Variants in CHST15 observed in about 807,000 individuals in gnomAD.
CHST15 encodes the protein carbohydrate sulfotransferase 15.
Under a neutral mutation model 53.6 loss-of-function variants are expected in CHST15, and 30 were observed. That is an observed-to-expected ratio of 0.56 (90% confidence interval 0.42 to 0.76). The LOEUF (loss-of-function observed/expected upper bound fraction) is 0.76. Among genes scored for constraint, CHST15 ranks in the 30% least tolerant of loss-of-function variants. The pLI is 0.00. For synonymous variants in CHST15, 296 were observed against 289.8 expected, an observed-to-expected ratio of 1.02 and a Z score of -0.22; for missense variants, 627 against 740.5, an observed-to-expected ratio of 0.85 and a Z score of 1.78.
chr10:124,019,895 A>T lies in CHST15; in HGVS notation c.1347+1361T>A, dbSNP rs903333901. The T allele has an allele frequency of 6.1e-6, 6 of 985,746 alleles. No homozygotes were observed. The highest frequency in any genetic ancestry group is 7.2e-6 in the Non-Finnish European group (6 of 830,380). 61.1% of individuals were successfully genotyped at this position (985,746 alleles called of 1,614,324 possible). On this transcript the variant is annotated intron_variant, in intron 6 of 7. Transcript: ENST00000435907. The surrounding 1 kb of genome is among the most constrained non-coding windows in gnomAD (Gnocchi z 4.6). ...CACCAGGCGGCTGGCTGCGTTCTGT[A>T]TGGTAGGTGGTGCTGACCACTGGGC...
intron 1 of CHST15, among the ~76,000 whole-genome samples, chr10:124,082,173 T>C (rs1350928526): frequency 6.6e-6 from 1 of 152,100 alleles, no homozygotes; most frequent in South Asian, 2.1e-4. Flanking sequence ...CATAATCACA[T>C]AAAAGAGGGC....
intron 6 of CHST15, among the ~76,000 whole-genome samples, chr10:124,017,116 T>C (rs1946613110): frequency 6.6e-6 from 1 of 152,120 alleles, no homozygotes; most frequent in Non-Finnish European, 1.5e-5. Context: ...TATTAGATAT[T>C]AGCTCTTCTG....
chr10:124,010,172 C>T lies in CHST15; in HGVS notation c.1663G>A (p.Ala555Thr). 2 of 1,613,282 alleles carry T rather than the reference C, an allele frequency of 1.2e-6. No individual in the cohort carries two copies. Among genetic ancestry groups the T allele is most frequent in the Non-Finnish European group, 1.7e-6 (2 of 1,180,044 alleles). The stretch of plus-strand genomic sequence containing the variant: ...TCTCACGTCGTCTTCCACGCAAACG[C>T]CTCATCCGCGAGGACCTGCGCCAGC... ...ARLAQVLADE[A>T]FAWKTT The change falls in exon 8 of 8, where the codon GCG becomes ACG. Residue 555 changes from alanine (A) to threonine (T), a missense_variant. Physicochemically the swap from Ala to Thr is moderately conservative, Grantham distance 58 (BLOSUM62 0). Coordinates refer to ENST00000435907, the MANE Select transcript of CHST15 (RefSeq NM_001270764.2).
chr10:124,085,602 G>T (rs114384022), intron 1 of CHST15, among the ~76,000 whole-genome samples: 253 of 152,336 alleles, frequency 1.7e-3, no homozygotes, highest in African/African-American at 4.9e-3. Context: ...CTAAGTGAGA[G>T]TCCAGCTACA....
rs189910856 is a variant in CHST15 at position 124,080,163 on chromosome 10, C to T, written c.-513+13306G>A. 4.5e-3 allele frequency among the ~76,000 whole-genome samples: 682 copies of T among 152,234 alleles called. 3 individuals carry two copies. Among genetic ancestry groups the T allele is most frequent in the Non-Finnish European group, 8.0e-3 (545 of 68,014 alleles). ...AGGTGTTCTTCACCCAGAGACGGGA[C>T]GGGGAGAAGGCAGAGCTGCAAATGT... On this transcript the variant is annotated intron_variant, in intron 1 of 7. Transcript: ENST00000435907.
chr10:124,091,664 C>T (rs1206964998), intron 1 of CHST15, among the ~76,000 whole-genome samples: 1 of 152,288 alleles, frequency 6.6e-6, no homozygotes. Flanking sequence ...CACTTCATTC[C>T]CGAGAACTCG....
At chr10:124,032,645 TC>T (rs1300038270) in intron 5 of CHST15, among the ~76,000 whole-genome samples, 3 of 152,194 alleles carry the variant, frequency 2.0e-5, no homozygotes, top group African/African-American at 7.2e-5. Flanking sequence ...ATTGGTGGCT[TC>T]TTTTTAATTA....
At chr10:124,063,868 G>C (rs1948669464) in intron 1 of CHST15, among the ~76,000 whole-genome samples, 1 of 152,218 alleles carries the variant, frequency 6.6e-6, no homozygotes, top group Non-Finnish European at 1.5e-5. Context: ...GTAGAGAGGG[G>C]AAGGGAGAAG....
chr10:124,059,644 C>T (rs1052363863), intron 1 of CHST15, among the ~76,000 whole-genome samples: 2 of 152,154 alleles, frequency 1.3e-5, no homozygotes, highest in African/African-American at 2.4e-5. Flanking sequence ...ATAGCTCACA[C>T]GTTCAAAACC....
chr10:124,075,366 G>A (rs1193020706), intron 1 of CHST15, among the ~76,000 whole-genome samples: 4 of 152,174 alleles, frequency 2.6e-5, no homozygotes, highest in Non-Finnish European at 2.9e-5. Flanking sequence ...TCCCCAGCCA[G>A]GAGGTATAAA....
In CHST15 at chr10:124,012,307, C is replaced by T. The variant is rs755766651; in HGVS notation, c.1495+26G>A. On this transcript the variant is annotated intron_variant, in intron 7 of 7. Coordinates refer to ENST00000435907, the MANE Select transcript of CHST15 (RefSeq NM_001270764.2). Reference sequence around the variant, plus strand: ...AGTCCACGGAGCTCATGCTTTGGCCCGTCAGTCTAAGCACCACACTCATAC... The same window carrying T: ...AGTCCACGGAGCTCATGCTTTGGCCTGTCAGTCTAAGCACCACACTCATAC... 8.9e-5 allele frequency: 143 copies of T among 1,599,670 alleles called. No individual in the cohort carries two copies. The Middle Eastern group carries it at 1.2e-3, about 13-fold the overall frequency.
At chr10:124,028,182 G>A (rs1004338037) in intron 5 of CHST15, among the ~76,000 whole-genome samples, 1 of 152,234 alleles carries the variant, frequency 6.6e-6, no homozygotes, top group Non-Finnish European at 1.5e-5. Context: ...CTAGAAAAGT[G>A]ACAGCAACAG....
intron 1 of CHST15, among the ~76,000 whole-genome samples, chr10:124,065,493 A>G (rs542867362): frequency 6.6e-6 from 1 of 152,340 alleles, no homozygotes; most frequent in African/African-American, 2.4e-5. Context: ...ACTTTCAGGC[A>G]AATTGTTGTC....
Position 124,010,275 on chromosome 10 carries a change from G to A in CHST15, c.1560C>T (p.Pro520=), listed in dbSNP as rs138009196. ...ACATGGGCCCCAGGTTCCGGTCCTC[G>A]GGACGCCGTGCATTGGATGCGGGGC... The part of the protein sequence containing the change: ...TKSPASNARR[P]EDRNLGPMWP... The change falls in exon 8 of 8, where the codon CCC becomes CCT. Residue 520 remains proline, a synonymous_variant. Transcript: ENST00000435907. 3.8e-5 allele frequency: 62 copies of A among 1,613,686 alleles called. No homozygotes were observed. The African/African-American group carries it at 6.1e-4, about 16-fold the overall frequency.
intron 7 of CHST15, chr10:124,011,091 C>T (rs1946404368): frequency 1.0e-6 from 1 of 983,616 alleles, no homozygotes; most frequent in Admixed American, 6.2e-5. Flanking sequence ...CAGTCACGCA[C>T]ACGCCCCGCC....
chr10:124,008,811 G>C lies in CHST15; in HGVS notation c.*1338C>G. ...TACTTGAGTGCAAAGCTTCATCCAG[G>C]TCCCACCTGGGCTGTTGCCAAGGAT... On this transcript the variant is annotated 3_prime_UTR_variant, in exon 8 of 8. Transcript: ENST00000435907. 8.3e-7 allele frequency: 1 copy of C among 1,207,182 alleles called. No individual in the cohort carries two copies. Among genetic ancestry groups the C allele is most frequent in the Non-Finnish European group, 1.1e-6 (1 of 943,300 alleles). The allele number at this position is 1,207,182 out of a possible 1,614,324, so 74.8% of individuals were successfully genotyped here.
intron 1 of CHST15, among the ~76,000 whole-genome samples, chr10:124,076,560 TATAAATCACATTGGTCTAGGATCAGC>T (rs1427610075): frequency 6.6e-6 from 1 of 152,178 alleles, no homozygotes; most frequent in East Asian, 1.9e-4. Flanking sequence ...CACAAGTTGC[TATAAATCACATTGGTCTAGGATCAGC>T]ATCCTACAAG....
rs1946310550 is a variant in CHST15, at chr10:124,007,783, CAGGACTA to C, written c.*2359_*2365del. 8.1e-7 allele frequency: 1 copy of C among 1,231,546 alleles called. No homozygotes were observed. Among genetic ancestry groups the C allele is most frequent in the African/African-American group, 1.6e-5 (1 of 64,400 alleles). The allele number at this position is 1,231,546 out of a possible 1,614,324, so 76.3% of individuals were successfully genotyped here. A position where few individuals can be genotyped will look rare whatever the true frequency, so the allele number is the denominator to read the frequency against. On this transcript the variant is annotated 3_prime_UTR_variant, in exon 8 of 8. Transcript: ENST00000435907. ...ACTGCGATTCACTTAACATACCTTA[CAGGACTA>C]AGGGAGTACAATTTAACACGGTCAC...
Position 124,021,241 on chromosome 10 carries a change from G to GGC in CHST15, c.1347+14_1347+15insGC, listed in dbSNP as rs775246301. The GGC allele has an allele frequency of 6.7e-5, 106 of 1,571,222 alleles. No homozygotes were observed. The highest frequency in any genetic ancestry group is 9.0e-5 in the Non-Finnish European group (104 of 1,152,772). ...AGGGGCCAGCTCGGGGGGTACGGGG[G>GGC]GGGGGGGTACACACAGGCATGGCGT... On this transcript the variant is annotated intron_variant, in intron 6 of 7. Transcript: ENST00000435907.
Sources: allele counts gnomAD v4.1 joint callset (sites outside exome capture counted in the v4.1 genomes callset), GRCh38; gene constraint gnomAD v4.1.1; non-coding constraint Gnocchi (gnomAD v3.1); transcripts MANE v1.5; gene names NCBI Gene and HGNC (gene_info 2026-07-23, HGNC 2026-07-21).